Variants in DENND5A observed in about 807,000 individuals in gnomAD.
The protein encoded by DENND5A is DENN domain-containing protein 5A.
Under a neutral mutation model 140.3 loss-of-function variants are expected in DENND5A, and 64 were observed. The ratio of observed to expected loss-of-function variants is 0.46; its 90% CI spans 0.37 to 0.56. The LOEUF is 0.56. DENND5A is among the 20% of genes least tolerant of loss of function. DENND5A has a pLI of 0.00. For missense variants in DENND5A, 1,292 were observed against 1,593.8 expected (o/e 0.81, Z 3.22); for synonymous variants, 605 against 607.7 (o/e 1.00, Z 0.07).
chr11:9,166,095 T>C, intron 10 of DENND5A, 128 bp from the exon 11 acceptor site: 2 of 851,722 alleles, frequency 2.3e-6, no homozygotes, highest in Non-Finnish European at 3.5e-6. Flanking sequence ...TTCTTTTTTT[T>C]TTTGAGACGA....
At chr11:9,178,401 GA>G in intron 7 of DENND5A, 35 bp from the exon 8 acceptor site, 1 of 1,360,358 alleles carries the variant, frequency 7.4e-7, no homozygotes, top group Non-Finnish European at 1.0e-6. Flanking sequence ...AATTGACAGG[GA>G]AAAGGGTAAT....
rs142343246 is a variant in DENND5A at position 9,190,117 on chromosome 11, T to C, written c.1137+3377A>G. Among the ~76,000 whole-genome samples, 343 of 152,356 alleles carry C rather than the reference T, an allele frequency of 2.3e-3. 1 individual carries two copies. Among genetic ancestry groups the C allele is most frequent in the African/African-American group, 7.9e-3 (329 of 41,584 alleles). ...AATGGCAATATTTATCTAATGCCTGTACCCTCATTGTATCTAGGAAGTAAC... is the reference window on the plus strand; with the variant it reads ...AATGGCAATATTTATCTAATGCCTGCACCCTCATTGTATCTAGGAAGTAAC... On this transcript the variant is annotated intron_variant, in intron 5 of 22. Transcript: ENST00000328194.
intron 15 of DENND5A, among the ~76,000 whole-genome samples, chr11:9,148,965 A>G (rs576488064): frequency 4.0e-4 from 61 of 152,384 alleles, no homozygotes; most frequent in African/African-American, 1.4e-3. Flanking sequence ...GTGAAAGCCA[A>G]CACTGTGCAA....
intron 12 of DENND5A, among the ~76,000 whole-genome samples, chr11:9,157,331 C>A (rs1386190846): frequency 1.3e-5 from 2 of 152,114 alleles, no homozygotes; most frequent in South Asian, 2.1e-4. Flanking sequence ...TTATTTAATT[C>A]TTTTAACTTT....
chr11:9,229,954 G>C (rs1850697197), intron 1 of DENND5A, among the ~76,000 whole-genome samples: 1 of 122,940 alleles, frequency 8.1e-6, no homozygotes, highest in Admixed American at 1.0e-4. Context: ...ACCCAGGCTA[G>C]AGTGCAGTGG....
At chr11:9,162,925 A>G (rs1590220701) in intron 11 of DENND5A, among the ~76,000 whole-genome samples, 2 of 150,064 alleles carry the variant, frequency 1.3e-5, no homozygotes, top group African/African-American at 4.9e-5. Context: ...GCTGGAACCG[A>G]ACTCCCAGGC....
chr11:9,172,270 T>A (rs1848396575), intron 8 of DENND5A: 1 of 152,078 alleles, frequency 6.6e-6, no homozygotes, highest in Non-Finnish European at 1.5e-5. Context: ...ACAAGAATCA[T>A]GAAGGAAACT....
At chr11:9,250,128 A>G (rs1209209605) in intron 1 of DENND5A, among the ~76,000 whole-genome samples, 1 of 152,050 alleles carries the variant, frequency 6.6e-6, no homozygotes, top group East Asian at 1.9e-4. Flanking sequence ...CAGAAGTCAC[A>G]GCCAGCCCCC....
intron 3 of DENND5A, among the ~76,000 whole-genome samples, chr11:9,205,444 G>T (rs895071636): frequency 6.6e-6 from 1 of 152,142 alleles, no homozygotes; most frequent in African/African-American, 2.4e-5. Context: ...ATGTTAAAAT[G>T]AAATAAACGC....
At chr11:9,158,422 G>A (rs1847878872) in intron 12 of DENND5A, among the ~76,000 whole-genome samples, 1 of 151,954 alleles carries the variant, frequency 6.6e-6, no homozygotes, top group Non-Finnish European at 1.5e-5. Flanking sequence ...CACACCTGTA[G>A]TCTCAGTCTC....
chr11:9,261,734 C>T (rs566693508), intron 1 of DENND5A, among the ~76,000 whole-genome samples: 1 of 141,272 alleles, frequency 7.1e-6, no homozygotes, highest in Admixed American at 7.9e-5. Context: ...GCCACTATTG[C>T]AGCACTGCAT....
In DENND5A at chr11:9,142,011, A is replaced by G. The variant is rs1359969778; in HGVS notation, c.3609T>C (p.Thr1203=). The change falls in exon 22 of 23, where the codon ACT becomes ACC. Residue 1203 remains threonine (T), a synonymous_variant. Transcript: ENST00000328194. ...TGTTCCGGGGAGTATTGTTGATTGC[A>G]GTGACAAATCGGCAGAAGTTCCGGG... The part of the protein sequence containing the change: ...TRARNFCRFV[T]AINNTPRNIG... 6.2e-7 allele frequency: 1 copy of G among 1,607,090 alleles called. No homozygotes were observed. Among genetic ancestry groups the G allele is most frequent in the East Asian group, 2.2e-5 (1 of 44,630 alleles).
intron 1 of DENND5A, among the ~76,000 whole-genome samples, chr11:9,244,935 C>T (rs1027620162): frequency 2.0e-5 from 3 of 151,842 alleles, no homozygotes; most frequent in African/African-American, 4.8e-5. Flanking sequence ...CCTTGGCCTC[C>T]GAAAGTGCTG....
intron 1 of DENND5A, among the ~76,000 whole-genome samples, chr11:9,227,828 C>G (rs182352315): frequency 6.6e-6 from 1 of 151,816 alleles, no homozygotes; most frequent in East Asian, 1.9e-4. Context: ...AAAATGAGGC[C>G]AGGCACTGTG....
At chr11:9,197,352 G>A (rs1849367166) in intron 4 of DENND5A, among the ~76,000 whole-genome samples, 1 of 148,758 alleles carries the variant, frequency 6.7e-6, no homozygotes, top group Non-Finnish European at 1.5e-5. Flanking sequence ...CTGGAAAAGA[G>A]GGAATTTTTA....
At chr11:9,200,503 G>A (rs1424242690) in intron 4 of DENND5A, among the ~76,000 whole-genome samples, 1 of 152,164 alleles carries the variant, frequency 6.6e-6, no homozygotes, top group Non-Finnish European at 1.5e-5. Flanking sequence ...GAACATTATT[G>A]CCAATATTTA....
At chr11:9,264,469 C>A (rs775143916) in intron 1 of DENND5A, among the ~76,000 whole-genome samples, 2 of 152,168 alleles carry the variant, frequency 1.3e-5, no homozygotes, top group Non-Finnish European at 2.9e-5. Flanking sequence ...GAGCTGCAAT[C>A]TGACTCAGGG....
At chr11:9,140,409 A>G (rs1199984233) in intron 22 of DENND5A, among the ~76,000 whole-genome samples, 1 of 152,170 alleles carries the variant, frequency 6.6e-6, no homozygotes, top group Non-Finnish European at 1.5e-5. Context: ...TTTAACCACT[A>G]TGCCAATTCT....
intron 1 of DENND5A, among the ~76,000 whole-genome samples, chr11:9,244,392 G>A (rs189711470): frequency 5.0e-4 from 76 of 151,446 alleles, no homozygotes; most frequent in Middle Eastern, 6.8e-3. Context: ...TTTTTGAGAC[G>A]GAGTTTCGCT....
Sources: allele counts gnomAD v4.1 joint callset (sites outside exome capture counted in the v4.1 genomes callset), GRCh38; gene constraint gnomAD v4.1.1; transcripts MANE v1.5; gene names NCBI Gene and HGNC (gene_info 2026-07-23, HGNC 2026-07-21).